Variants in PPP1R8 observed in about 807,000 individuals in gnomAD.
PPP1R8 encodes protein phosphatase 1 regulatory subunit 8.
PPP1R8 carries 4 observed loss-of-function variants against 31.3 expected under a neutral mutation model. The ratio of observed to expected loss-of-function variants is 0.13; its 90% confidence interval spans 0.06 to 0.29. The LOEUF (loss-of-function observed/expected upper bound fraction) is 0.29, where lower values mean the gene tolerates loss of function less well. Among genes scored for constraint, PPP1R8 ranks in the 10% least tolerant of loss-of-function variants. The probability of loss-of-function intolerance (pLI) is 1.00; values close to 1 mark genes in which losing one functional copy is unlikely to be tolerated. For synonymous variants in PPP1R8, 170 were observed against 169.7 expected, an observed-to-expected ratio of 1.00 and a Z score of -0.01; for missense variants, 254 against 440.1, an observed-to-expected ratio of 0.58 and a Z score of 3.78.
chr1:27,844,703 CTTTTTTTTTTT>C (rs777070302), intron 5 of PPP1R8, among the ~76,000 whole-genome samples: 2 of 70,448 alleles, frequency 2.8e-5, no homozygotes, highest in East Asian at 4.9e-4. Flanking sequence ...AGACAAATTT[CTTTTTTTTTTT>C]TTTTTTTTTT....
At chr1:27,831,194 C>T in intron 1 of PPP1R8, 1 of 1,158,354 alleles carries the variant, frequency 8.6e-7, no homozygotes, top group Non-Finnish European at 1.1e-6. Flanking sequence ...TTACGCCCAA[C>T]TCTTGACTGA....
chr1:27,848,582 A>G (rs188984211), intron 6 of PPP1R8, among the ~76,000 whole-genome samples: 187 of 152,310 alleles, frequency 1.2e-3, no homozygotes, highest in African/African-American at 4.2e-3. Context: ...CTGGTTAGAG[A>G]TGATATAGAA....
chr1:27,843,699 T>G (rs1001155965), intron 5 of PPP1R8, among the ~76,000 whole-genome samples: 1 of 151,934 alleles, frequency 6.6e-6, no homozygotes, highest in African/African-American at 2.4e-5. Flanking sequence ...ATGCCTATAA[T>G]CCCAGCACTT....
chr1:27,830,833 A>G lies in PPP1R8; in HGVS notation c.-3A>G. ...CGCGCCAAATGGGAGGGGGAGACGC[A>G]AGATGGCGGCAGCCGCGAACTCCGG... On this transcript the variant is annotated 5_prime_UTR_variant, in exon 1 of 7. Coordinates refer to ENST00000311772, the MANE Select transcript of PPP1R8 (RefSeq NM_014110.5). 6.3e-7 allele frequency: 1 copy of G among 1,576,070 alleles called. No homozygotes were observed.
Position 27,843,230 on chromosome 1 carries a change from C to T in PPP1R8, c.537C>T (p.Thr179=). The T allele has an allele frequency of 6.2e-7, 1 of 1,614,136 alleles. No homozygotes were observed. Among genetic ancestry groups the T allele is most frequent in the South Asian group, 1.1e-5 (1 of 91,082 alleles). The change falls in exon 5 of 7, where the codon ACC becomes ACT. Residue 179 remains threonine (T), a synonymous_variant. Coordinates refer to ENST00000311772, the MANE Select transcript of PPP1R8 (RefSeq NM_014110.5). ...CTGCCCACAACAAGCGGATTTCTAC[C>T]CTTACCATTGAGGAGGGAAATCTGG... ...FNTAHNKRIS[T]LTIEEGNLDI...
chr1:27,846,613 A>C (rs2089283775), intron 5 of PPP1R8, among the ~76,000 whole-genome samples: 1 of 152,216 alleles, frequency 6.6e-6, no homozygotes, highest in African/African-American at 2.4e-5. Flanking sequence ...TTTGTCACTG[A>C]TATGGAACTG....
At chr1:27,844,579 A>C (rs901429134) in intron 5 of PPP1R8, among the ~76,000 whole-genome samples, 1 of 151,706 alleles carries the variant, frequency 6.6e-6, no homozygotes, top group African/African-American at 2.4e-5. Flanking sequence ...ATCTGCCCTC[A>C]ACCTCCCAAA....
At position 27,851,445 on chromosome 1, in the gene PPP1R8, T is replaced by C. The variant is rs2089343358; in HGVS notation, c.*999T>C. On this transcript the variant is annotated 3_prime_UTR_variant, in exon 7 of 7. Coordinates refer to ENST00000311772, the MANE Select transcript of PPP1R8 (RefSeq NM_014110.5). Reference sequence around the variant, plus strand: ...AGCTTTGTACAGAGATTTGTACATTTGTGTAATAGGCCTTTTCATGCTTTA... The same window carrying C: ...AGCTTTGTACAGAGATTTGTACATTCGTGTAATAGGCCTTTTCATGCTTTA... The C allele has an allele frequency of 2.3e-6, 1 of 427,940 alleles. No individual in the cohort carries two copies. 26.5% of individuals were successfully genotyped at this position (427,940 alleles called of 1,614,324 possible).
chr1:27,834,759 T>TGGCCTCCCAAAA (rs2089146182), intron 2 of PPP1R8, among the ~76,000 whole-genome samples: 1 of 152,154 alleles, frequency 6.6e-6, no homozygotes, highest in African/African-American at 2.4e-5. Flanking sequence ...GGCTCACACC[T>TGGCCTCCCAAAA]GGCCTCCCAG....
rs376880067 is a variant in PPP1R8 at position 27,846,057 on chromosome 1, T to C, written c.638-971T>C. The stretch of plus-strand genomic sequence containing the variant: ...TGCCCACCTCGGCCTCCCAAAGTGC[T>C]GGGATTACAGGCGTGAGCCACCGCA... On this transcript the variant is annotated intron_variant, in intron 5 of 6. Transcript: ENST00000311772. 1.2e-3 allele frequency among the ~76,000 whole-genome samples: 187 copies of C among 152,288 alleles called. 4 individuals are homozygous for C. In the South Asian group the frequency reaches 0.035, roughly 29 times the overall value.
chr1:27,847,587 T>C (rs2089297782), intron 6 of PPP1R8, among the ~76,000 whole-genome samples: 1 of 151,660 alleles, frequency 6.6e-6, no homozygotes, highest in African/African-American at 2.4e-5. Flanking sequence ...AAAAATTAGC[T>C]GGGTGTGGTG....
chr1:27,842,294 A>G (rs961820831), intron 4 of PPP1R8, among the ~76,000 whole-genome samples: 30 of 151,196 alleles, frequency 2.0e-4, no homozygotes, highest in African/African-American at 7.3e-4. Context: ...GTGAGCCAAG[A>G]TCGCGCAGTT....
chr1:27,841,680 C>G (rs879368855), intron 4 of PPP1R8, among the ~76,000 whole-genome samples: 7 of 152,212 alleles, frequency 4.6e-5, no homozygotes, highest in Non-Finnish European at 8.8e-5. Flanking sequence ...AAAGTTCTGT[C>G]AGACAGCACT....
intron 1 of PPP1R8, among the ~76,000 whole-genome samples, chr1:27,832,530 C>T (rs186203545): frequency 1.6e-4 from 24 of 152,254 alleles, no homozygotes; most frequent in Non-Finnish European, 3.5e-4. Context: ...TGGTGCTGCT[C>T]TAAATACAGA....
intron 5 of PPP1R8, among the ~76,000 whole-genome samples, chr1:27,844,041 C>T (rs1479420841): frequency 1.3e-5 from 2 of 152,164 alleles, no homozygotes; most frequent in East Asian, 1.9e-4. Context: ...CTCATTCTGT[C>T]GCCCAGGCTA....
At position 27,851,249 on chromosome 1, in the gene PPP1R8, A is replaced by G; in HGVS notation, c.*803A>G. 1 of 290,380 alleles carries G rather than the reference A, an allele frequency of 3.4e-6. No homozygotes were observed. The highest frequency in any genetic ancestry group is 6.8e-6 in the Non-Finnish European group (1 of 146,268). The allele number at this position is 290,380 out of a possible 1,614,324, so 18.0% of individuals were successfully genotyped here. Reference sequence around the variant, plus strand: ...AGGATATGACCAGTTGGGGTAATTCAAATTAAAAAGGAAAAGATTTGTTTG... The same window carrying G: ...AGGATATGACCAGTTGGGGTAATTCGAATTAAAAAGGAAAAGATTTGTTTG... On this transcript the variant is annotated 3_prime_UTR_variant, in exon 7 of 7. Coordinates refer to ENST00000311772, the MANE Select transcript of PPP1R8 (RefSeq NM_014110.5).
rs1366437267 is a variant in PPP1R8 at position 27,832,757 on chromosome 1, G to T, written c.58G>T (p.Ala20Ser). Residue 20 changes from alanine (A) to serine (S), a missense_variant and splice_region_variant, in exon 2 of 7, where the codon GCA becomes TCA. This residue lies in a region of PPP1R8 where 52 missense variants were observed against 145.3 expected (regional missense o/e 0.36). Transcript: ENST00000311772. ...SLPLFDCPTW[A>S]GKPPPGLHLD... ...CTTTTTTCTATTTTTATTTTTCAGG[G>T]CAGGTAAGCCCCCTCCCGGTTTACA... 1.2e-5 allele frequency: 20 copies of T among 1,608,466 alleles called. No individual in the cohort carries two copies. Among genetic ancestry groups the T allele is most frequent in the Non-Finnish European group, 1.7e-5 (20 of 1,177,028 alleles).
Position 27,850,202 on chromosome 1 carries a change from A to G in PPP1R8, c.812A>G (p.His271Arg), listed in dbSNP as rs779899570. The change falls in exon 7 of 7, where the codon CAC becomes CGC. Residue 271 changes from histidine to arginine, a missense_variant. Around this residue, in one of 6 missense-constraint regions of PPP1R8, gnomAD observed 105 missense variants for 128.0 expected, o/e 0.82. Transcript: ENST00000311772. Reference protein sequence around the residue: ...GGLYGGLPPTHSEAGSQPHGI... With the variant: ...GGLYGGLPPTRSEAGSQPHGI... Reference sequence around the variant, plus strand: ...CTCTACGGGGGCCTGCCCCCCACACACAGTGAAGCAGGCTCCCAGCCACAT... The same window carrying G: ...CTCTACGGGGGCCTGCCCCCCACACGCAGTGAAGCAGGCTCCCAGCCACAT... The G allele has an allele frequency of 6.2e-7, 1 of 1,614,186 alleles. No individual in the cohort carries two copies. Among genetic ancestry groups the G allele is most frequent in the South Asian group, 1.1e-5 (1 of 91,086 alleles).
At chr1:27,843,097 A>C in intron 4 of PPP1R8, 89 bp from the exon 5 acceptor site, 1 of 1,512,816 alleles carries the variant, frequency 6.6e-7, no homozygotes, top group Non-Finnish European at 9.0e-7. Context: ...TTAGCCCCTC[A>C]TGCCTTCCTC....
Sources: gnomAD v4.1 joint callset for allele counts (sites outside exome capture counted in the v4.1 genomes callset) on GRCh38, gnomAD v4.1.1 for gene constraint, gnomAD v4.1.1 regional missense constraint, MANE v1.5 for transcripts, NCBI Gene and HGNC (gene_info 2026-07-23, HGNC 2026-07-21) for gene names.